Variants in OR51B5 observed in about 807,000 individuals in gnomAD.
OR51B5 encodes the protein olfactory receptor family 51 subfamily B member 5, also known as olfactory receptor 51B5.
For missense variants in OR51B5, 456 were observed against 374.6 expected (o/e 1.22, Z -1.79); for synonymous variants, 186 against 144.8 (o/e 1.28, Z -2.04).
At chr11:5,340,681 A>G (rs1346024050), downstream of OR51B5, 3 of 152,220 alleles carry the variant, frequency 2.0e-5, no homozygotes, top group African/African-American at 7.2e-5. Flanking sequence ...CACTAAGGAT[A>G]GTCTACTGTA....
intron 1 of OR51B5, chr11:5,441,665 A>G: frequency 1.6e-6 from 1 of 636,172 alleles, no homozygotes; most frequent in Non-Finnish European, 2.7e-6. Context: ...CATCTCTTTA[A>G]GGAAGCAACC....
At chr11:5,448,037 G>C (rs1850794015) in intron 1 of OR51B5, among the ~76,000 whole-genome samples, 2 of 152,240 alleles carry the variant, frequency 1.3e-5, no homozygotes, top group South Asian at 4.2e-4. Context: ...AAATTTGTAA[G>C]GTTTAATTAT....
intron 1 of OR51B5, among the ~76,000 whole-genome samples, chr11:5,446,208 C>A (rs932524999): frequency 6.6e-6 from 1 of 151,758 alleles, no homozygotes; most frequent in Non-Finnish European, 1.5e-5. Flanking sequence ...ACATATGTAA[C>A]AAACCTGCAC....
chr11:5,370,028 T>A (rs1849425707), intron 1 of OR51B5, among the ~76,000 whole-genome samples: 2 of 152,160 alleles, frequency 1.3e-5, no homozygotes, highest in Non-Finnish European at 2.9e-5. Context: ...TCCCTCTGCA[T>A]GGCCCCAGGA....
intron 1 of OR51B5, chr11:5,422,160 CCT>C (rs1157726875): frequency 2.1e-6 from 3 of 1,405,334 alleles, no homozygotes; most frequent in Admixed American, 2.1e-5. Flanking sequence ...TCTTTTTCTC[CCT>C]GAGTGAAGAT....
chr11:5,453,577 C>T (rs2133787036), intron 1 of OR51B5: 2 of 1,612,762 alleles, frequency 1.2e-6, no homozygotes. Context: ...CTGTCAGGGC[C>T]CCTCTGCGTG....
Position 5,424,743 on chromosome 11 carries a change from A to C in OR51B5, n.85-77833T>G, listed in dbSNP as rs1173158014. Among the ~76,000 whole-genome samples, 9 of 150,038 alleles carry C rather than the reference A, an allele frequency of 6.0e-5. 1 individual carries two copies. In the East Asian group the frequency reaches 1.7e-3, roughly 29 times the overall value. On this transcript the variant is annotated intron_variant and non_coding_transcript_variant, in intron 1 of 4. Transcript: ENST00000415970. The stretch of plus-strand genomic sequence containing the variant: ...ACGCCTGTAATCCCAGCACTTTGGG[A>C]GGCCGAGACGGGTGGATCACGACGT...
At chr11:5,479,369 C>G (rs903446078) in intron 1 of OR51B5, among the ~76,000 whole-genome samples, 2 of 151,454 alleles carry the variant, frequency 1.3e-5, no homozygotes, top group African/African-American at 4.9e-5. Context: ...AAGCACTAAA[C>G]ATGGAAAGGA....
intron 1 of OR51B5, among the ~76,000 whole-genome samples, chr11:5,418,726 C>A (rs1242284026): frequency 7.0e-6 from 1 of 143,616 alleles, no homozygotes; most frequent in Admixed American, 7.1e-5. Context: ...CCGAGCCTAT[C>A]GGGGGATGGG....
At position 5,343,358 on chromosome 11, in the gene OR51B5, G is replaced by GGCTCATGAAGATTGTGATCT; in HGVS notation, c.147_166dup (p.Pro56GlnfsTer25). 6.2e-7 allele frequency: 1 copy of GGCTCATGAAGATTGTGATCT among 1,613,468 alleles called. No homozygotes were observed. Among genetic ancestry groups the GGCTCATGAAGATTGTGATCT allele is most frequent in the Non-Finnish European group, 8.5e-7 (1 of 1,179,644 alleles). Reference sequence around the variant, plus strand: ...CAGCATGGCCAGAAAGAAGTACATGGGCTCATGAAGATTGTGATCTTCCTT... The same window carrying GGCTCATGAAGATTGTGATCT: ...CAGCATGGCCAGAAAGAAGTACATGGGCTCATGAAGATTGTGATCTGCTCATGAAGATTGTGATCTTCCTT... On this transcript the variant is annotated frameshift_variant, in exon 1 of 1. Transcript: ENST00000300773. LOFTEE classifies it low-confidence loss of function (END_TRUNC).
intron 1 of OR51B5, chr11:5,440,859 G>A (rs867898037): frequency 6.2e-7 from 1 of 1,613,794 alleles, no homozygotes; most frequent in Non-Finnish European, 8.5e-7. Flanking sequence ...CAATGCGTAG[G>A]AAAGCAGGAT....
intron 1 of OR51B5, among the ~76,000 whole-genome samples, chr11:5,376,195 C>G (rs1020778848): frequency 1.3e-5 from 2 of 151,926 alleles, no homozygotes; most frequent in African/African-American, 4.8e-5. Context: ...AACTGAACAA[C>G]CTGCTCCTGA....
At chr11:5,453,530 G>A (rs1164454415) in intron 1 of OR51B5, 9 of 1,591,162 alleles carry the variant, frequency 5.7e-6, no homozygotes, top group South Asian at 4.6e-5. Flanking sequence ...TCTTCCTCCT[G>A]ACTGGTATCC....
intron 1 of OR51B5, among the ~76,000 whole-genome samples, chr11:5,372,112 C>A (rs1316294444): frequency 2.0e-5 from 3 of 152,116 alleles, no homozygotes; most frequent in Non-Finnish European, 4.4e-5. Context: ...ATACATATGA[C>A]ATATATCACA....
chr11:5,464,799 C>A (rs1224215831), intron 1 of OR51B5, among the ~76,000 whole-genome samples: 1 of 152,118 alleles, frequency 6.6e-6, no homozygotes, highest in Non-Finnish European at 1.5e-5. Flanking sequence ...TGGGTATATA[C>A]CCAGTAATGG....
At chr11:5,362,890 G>T in intron 1 of OR51B5, 1 of 171,758 alleles carries the variant, frequency 5.8e-6, no homozygotes, top group Non-Finnish European at 1.3e-5. Context: ...CTGAATCCCT[G>T]CTTTTGTAAA....
chr11:5,395,614 T>G (rs533184252), intron 1 of OR51B5, among the ~76,000 whole-genome samples: 1 of 152,252 alleles, frequency 6.6e-6, no homozygotes, highest in African/African-American at 2.4e-5. Context: ...ATTGCTCCAA[T>G]TGATGAAGCT....
chr11:5,474,325 C>T (rs929444035), intron 1 of OR51B5, among the ~76,000 whole-genome samples: 1 of 151,840 alleles, frequency 6.6e-6, no homozygotes, highest in Non-Finnish European at 1.5e-5. Flanking sequence ...AGATGTACTC[C>T]CCCCAACACA....
chr11:5,437,928 T>C (rs1278841195), intron 1 of OR51B5, among the ~76,000 whole-genome samples: 2 of 152,100 alleles, frequency 1.3e-5, no homozygotes, highest in Non-Finnish European at 2.9e-5. Context: ...GGGAGGGAAA[T>C]AGAAGATGTA....
Sources: gnomAD v4.1 joint callset for allele counts (sites outside exome capture counted in the v4.1 genomes callset) on GRCh38, gnomAD v4.1.1 for gene constraint, MANE v1.5 for transcripts, NCBI Gene and HGNC (gene_info 2026-07-23, HGNC 2026-07-21) for gene names.